LDLRAD4: variants seen among roughly 807,000 people sequenced by gnomAD.
The protein encoded by LDLRAD4 is low-density lipoprotein receptor class A domain-containing protein 4.
Under a neutral mutation model 17.0 loss-of-function variants are expected in LDLRAD4, and 5 were observed. The ratio of observed to expected loss-of-function variants is 0.29; its 90% CI spans 0.15 to 0.62. LDLRAD4 has a LOEUF of 0.62. LDLRAD4 is among the 20% of genes least tolerant of loss of function. LDLRAD4 has a pLI of 0.84. For synonymous variants in LDLRAD4, 168 were observed against 171.8 expected, an observed-to-expected ratio of 0.98 and a Z score of 0.17; for missense variants, 340 against 424.7, an observed-to-expected ratio of 0.80 and a Z score of 1.75.
chr18:13,498,157 C>G (rs1289457169), intron 3 of LDLRAD4, among the ~76,000 whole-genome samples: 1 of 151,884 alleles, frequency 6.6e-6, no homozygotes. Flanking sequence ...TCTCGCCACA[C>G]ACGTCCCTCT....
Position 13,466,061 on chromosome 18 carries a change from A to G in LDLRAD4, c.181+27677A>G, listed in dbSNP as rs936957878. ...TAATGCCTGGGTGCAAAATAAATAT[A>G]TCTTGAATGAAATAATGAAGTAATC... On this transcript the variant is annotated intron_variant, in intron 3 of 5. Coordinates refer to ENST00000359446, the Ensembl canonical transcript of LDLRAD4. 3.9e-5 allele frequency among the ~76,000 whole-genome samples: 6 copies of G among 152,364 alleles called. No homozygotes were observed. In the East Asian group the frequency reaches 1.2e-3, roughly 29 times the overall value.
At chr18:13,465,496 G>T (rs1047274328) in intron 3 of LDLRAD4, among the ~76,000 whole-genome samples, 4 of 152,212 alleles carry the variant, frequency 2.6e-5, no homozygotes, top group African/African-American at 4.8e-5. Context: ...ATGGGCATAC[G>T]AAAGGCTGCA....
intron 3 of LDLRAD4, among the ~76,000 whole-genome samples, chr18:13,576,263 A>G (rs532121804): frequency 6.6e-6 from 1 of 152,182 alleles, no homozygotes; most frequent in South Asian, 2.1e-4. Context: ...TCTACTAAAA[A>G]TACAAAAAAT....
chr18:13,511,100 C>T (rs1658627887), intron 3 of LDLRAD4, among the ~76,000 whole-genome samples: 1 of 152,166 alleles, frequency 6.6e-6, no homozygotes, highest in African/African-American at 2.4e-5. Flanking sequence ...GAACTCATGT[C>T]CTCACACACA....
At chr18:13,399,788 C>G (rs924212259) in intron 2 of LDLRAD4, among the ~76,000 whole-genome samples, 7 of 152,206 alleles carry the variant, frequency 4.6e-5, no homozygotes, top group Non-Finnish European at 1.0e-4. Flanking sequence ...CATTTTTAAA[C>G]AACAACAAAA....
chr18:13,307,399 A>G (rs2146670998), intron 1 of LDLRAD4, among the ~76,000 whole-genome samples: 1 of 152,084 alleles, frequency 6.6e-6, no homozygotes, highest in Non-Finnish European at 1.5e-5. Context: ...TCTCTTTCTT[A>G]TGATTTTCTT....
chr18:13,484,611 G>C (rs546043023), intron 3 of LDLRAD4, among the ~76,000 whole-genome samples: 1 of 152,274 alleles, frequency 6.6e-6, no homozygotes, highest in African/African-American at 2.4e-5. Flanking sequence ...GGGTGACAGT[G>C]AAACCCTGTC....
intron 1 of LDLRAD4, among the ~76,000 whole-genome samples, chr18:13,308,220 G>A (rs993936568): frequency 6.6e-6 from 1 of 151,876 alleles, no homozygotes; most frequent in African/African-American, 2.4e-5. Flanking sequence ...TGTCCCACCC[G>A]CCGCCCCACA....
intron 3 of LDLRAD4, among the ~76,000 whole-genome samples, chr18:13,444,829 A>G (rs1401782026): frequency 1.3e-5 from 2 of 152,174 alleles, no homozygotes; most frequent in East Asian, 3.8e-4. Flanking sequence ...GCCTGACCAG[A>G]GGATGAAAAA....
At chr18:13,362,366 T>C (rs2083733251) in intron 1 of LDLRAD4, 1 of 152,190 alleles carries the variant, frequency 6.6e-6, no homozygotes, top group African/African-American at 2.4e-5. Context: ...GCAGTCCAAA[T>C]AGACCTTGTA....
chr18:13,464,712 CCTGA>C (rs913786574), intron 3 of LDLRAD4, among the ~76,000 whole-genome samples: 1 of 151,330 alleles, frequency 6.6e-6, no homozygotes, highest in African/African-American at 2.4e-5. Context: ...GCTGACAGAG[CCTGA>C]CTTTTTTTTT....
chr18:13,587,308 C>T lies in LDLRAD4; in HGVS notation c.182-33809C>T, dbSNP rs529165715. On this transcript the variant is annotated intron_variant, in intron 3 of 5. Coordinates refer to ENST00000359446, the Ensembl canonical transcript of LDLRAD4. ...AGGCATTGCATTCCAGAACTCTCTC[C>T]ATGTTAGACAGTCTCACTCTCATTT... 1.2e-4 allele frequency among the ~76,000 whole-genome samples: 18 copies of T among 152,302 alleles called. 1 individual carries two copies. In the East Asian group the frequency reaches 3.1e-3, roughly 26 times the overall value.
chr18:13,221,176 A>G (rs2041433034), intron 1 of LDLRAD4, among the ~76,000 whole-genome samples: 1 of 152,216 alleles, frequency 6.6e-6, no homozygotes, highest in South Asian at 2.1e-4. Context: ...AGAAGAGCGC[A>G]CCATATTAAC....
intron 3 of LDLRAD4, among the ~76,000 whole-genome samples, chr18:13,534,795 T>C (rs1239793363): frequency 1.3e-5 from 2 of 152,186 alleles, no homozygotes; most frequent in Non-Finnish European, 2.9e-5. Context: ...AGAACAGTCT[T>C]ATCTCCCTGA....
chr18:13,393,577 C>T lies in LDLRAD4; in HGVS notation c.40+5815C>T, dbSNP rs78816744. 3.5e-3 allele frequency among the ~76,000 whole-genome samples: 529 copies of T among 152,328 alleles called. 12 individuals carry two copies. In the East Asian group the frequency reaches 0.055, roughly 16 times the overall value. On this transcript the variant is annotated intron_variant, in intron 2 of 5. Transcript: ENST00000359446. ...TTCTGTTGAGCAAATATTGACGGAG[C>T]TCTTGCCAGGTGTATGTCAAGTGCT...
intron 3 of LDLRAD4, among the ~76,000 whole-genome samples, chr18:13,463,910 A>G (rs982776649): frequency 6.6e-6 from 1 of 152,240 alleles, no homozygotes; most frequent in East Asian, 1.9e-4. Context: ...TCAGCCTTTC[A>G]TGAAATTTCT....
chr18:13,268,488 C>T (rs1368319341), intron 1 of LDLRAD4, among the ~76,000 whole-genome samples: 2 of 152,224 alleles, frequency 1.3e-5, no homozygotes, highest in South Asian at 2.1e-4. Context: ...TTACAAGGAG[C>T]CTCACACCGC....
Position 13,620,743 on chromosome 18 carries a change from A to T in LDLRAD4, c.182-374A>T, listed in dbSNP as rs1384760495. 7 of 246,544 alleles carry T rather than the reference A, an allele frequency of 2.8e-5. No individual in the cohort carries two copies. In the Admixed American group the frequency reaches 3.3e-4, roughly 12 times the overall value. 15.3% of individuals were successfully genotyped at this position (246,544 alleles called of 1,614,324 possible). On this transcript the variant is annotated intron_variant, in intron 3 of 5. Transcript: ENST00000359446. ...CCTTGGAGGCAAGGGGCTGAAGTTG[A>T]TTTTTCCTTTCAAGTATGGGTCCCT...
chr18:13,263,022 G>A (rs1422193857), intron 1 of LDLRAD4, among the ~76,000 whole-genome samples: 3 of 129,696 alleles, frequency 2.3e-5, no homozygotes, highest in East Asian at 5.0e-4. Flanking sequence ...GCTGAGTCCC[G>A]TGCGGCTCTG....
Sources: allele counts gnomAD v4.1 joint callset (sites outside exome capture counted in the v4.1 genomes callset), GRCh38; gene constraint gnomAD v4.1.1; transcripts MANE v1.5; gene names NCBI Gene and HGNC (gene_info 2026-07-23, HGNC 2026-07-21).